IFT43: variants seen among roughly 807,000 people sequenced by gnomAD.
The protein encoded by IFT43 is intraflagellar transport 43.
Under a neutral mutation model 32.3 loss-of-function variants are expected in IFT43, and 33 were observed. The ratio of observed to expected loss-of-function variants is 1.02; its 90% CI spans 0.77 to 1.37. The LOEUF (loss-of-function observed/expected upper bound fraction) is 1.37, where lower values mean the gene tolerates loss of function less well. Among genes scored for constraint, IFT43 ranks in the 40% most tolerant of loss-of-function variants. The probability of loss-of-function intolerance (pLI) is 0.00; values close to 1 mark genes in which losing one functional copy is unlikely to be tolerated. For missense variants in IFT43, 274 were observed against 265.9 expected, an observed-to-expected ratio of 1.03 and a Z score of -0.21; for synonymous variants, 93 against 98.2, an observed-to-expected ratio of 0.95 and a Z score of 0.31.
At chr14:76,073,902 A>G (rs1448684544) in intron 5 of IFT43, among the ~76,000 whole-genome samples, 1 of 152,102 alleles carries the variant, frequency 6.6e-6, no homozygotes, top group Non-Finnish European at 1.5e-5. Context: ...GAGCAGCAGT[A>G]AGACTCCTCA....
At chr14:76,031,854 C>G (rs1381241468) in intron 3 of IFT43, among the ~76,000 whole-genome samples, 4 of 152,184 alleles carry the variant, frequency 2.6e-5, no homozygotes, top group Non-Finnish European at 5.9e-5. Flanking sequence ...AACCTTCTCT[C>G]TTCTCTGTCA....
chr14:76,045,092 A>G (rs551924674), intron 3 of IFT43, among the ~76,000 whole-genome samples: 22 of 152,352 alleles, frequency 1.4e-4, no homozygotes, highest in Non-Finnish European at 2.2e-4. Context: ...TTCAAGGGTC[A>G]TCTGTATTTA....
chr14:75,986,809 C>CT (rs1325172539), intron 1 of IFT43, among the ~76,000 whole-genome samples: 4 of 152,136 alleles, frequency 2.6e-5, no homozygotes, highest in East Asian at 1.9e-4. Context: ...TGTGAAATCT[C>CT]TAAGTGTTTT....
At chr14:76,064,638 A>G (rs1400120762) in intron 5 of IFT43, among the ~76,000 whole-genome samples, 2 of 152,100 alleles carry the variant, frequency 1.3e-5, no homozygotes, top group African/African-American at 4.8e-5. Context: ...AGGGCAAGTT[A>G]TTTCCTGCAG....
chr14:76,029,851 T>TTTTTTTTTTATTTTA (rs2036472787), intron 3 of IFT43, among the ~76,000 whole-genome samples: 2 of 117,474 alleles, frequency 1.7e-5, no homozygotes, highest in Middle Eastern at 4.0e-3. Context: ...TTTATTTTTA[T>TTTTTTTTTTATTTTA]TTTTATTTTA....
intron 2 of IFT43, among the ~76,000 whole-genome samples, chr14:76,005,653 C>T (rs545588831): frequency 4.6e-5 from 7 of 152,230 alleles, no homozygotes; most frequent in Non-Finnish European, 1.0e-4. Context: ...CAGCCCTGAG[C>T]TTTGTTCTTA....
chr14:75,985,855 G>A lies in IFT43; in HGVS notation c.54+15G>A, dbSNP rs372505367. 8.1e-6 allele frequency: 13 copies of A among 1,613,424 alleles called. No individual in the cohort carries two copies. Among genetic ancestry groups the A allele is most frequent in the Non-Finnish European group, 1.1e-5 (13 of 1,179,748 alleles). ...TGGCTACCTCCGTGAGGACCAATTC[G>A]GGGGCCTTGGGGGCCAGGATTTGGC... On this transcript the variant is annotated intron_variant, in intron 1 of 8. Transcript: ENST00000314067.
At chr14:75,996,362 A>G (rs1393408117) in intron 2 of IFT43, among the ~76,000 whole-genome samples, 1 of 152,236 alleles carries the variant, frequency 6.6e-6, no homozygotes, top group Non-Finnish European at 1.5e-5. Context: ...TGATAGTAGT[A>G]TCTATCTCAT....
intron 2 of IFT43, among the ~76,000 whole-genome samples, chr14:76,003,299 T>C (rs1367586033): frequency 6.6e-6 from 1 of 152,104 alleles, no homozygotes; most frequent in Non-Finnish European, 1.5e-5. Flanking sequence ...ATTTAAAATA[T>C]GCATCCTTAT....
chr14:76,026,115 T>TA (rs1251911360), intron 3 of IFT43, among the ~76,000 whole-genome samples: 1 of 151,880 alleles, frequency 6.6e-6, no homozygotes, highest in Non-Finnish European at 1.5e-5. Context: ...AAAATCCCAC[T>TA]AAAAAATGGG....
At chr14:76,011,980 C>T (rs1487826218) in intron 2 of IFT43, among the ~76,000 whole-genome samples, 3 of 152,128 alleles carry the variant, frequency 2.0e-5, no homozygotes, top group Non-Finnish European at 4.4e-5. Flanking sequence ...TCTAAGATTG[C>T]TGGAGAAAGA....
intron 5 of IFT43, among the ~76,000 whole-genome samples, chr14:76,076,943 T>C (rs1233258858): frequency 6.6e-6 from 1 of 152,052 alleles, no homozygotes; most frequent in Non-Finnish European, 1.5e-5. Flanking sequence ...TGCTGAACGA[T>C]TTTTTGGGTA....
At chr14:76,010,090 G>A (rs1199889810) in intron 2 of IFT43, among the ~76,000 whole-genome samples, 1 of 152,092 alleles carries the variant, frequency 6.6e-6, no homozygotes, top group Non-Finnish European at 1.5e-5. Flanking sequence ...CACCCTGCCC[G>A]GCCTCTAGTG....
intron 3 of IFT43, among the ~76,000 whole-genome samples, chr14:76,056,458 A>G (rs947436057): frequency 1.3e-5 from 2 of 152,238 alleles, no homozygotes; most frequent in Admixed American, 6.5e-5. Flanking sequence ...ATAAATGGCA[A>G]TTAATCAGCC....
rs1279332154 is a variant in IFT43 at position 75,985,792 on chromosome 14, G to A, written c.6G>A (p.Glu2=). The A allele has an allele frequency of 6.2e-7, 1 of 1,614,092 alleles. No homozygotes were observed. The highest frequency in any genetic ancestry group is 8.5e-7 in the Non-Finnish European group (1 of 1,180,050). Residue 2 remains glutamate, a synonymous_variant, in exon 1 of 9, where the codon GAG becomes GAA. Coordinates refer to ENST00000314067, the MANE Select transcript of IFT43 (RefSeq NM_001102564.3). ...GACGTCAGGCGGCCGCGGAGATGGAGGATTTGCTCGACTTGGACGAGGAGC... is the reference window on the plus strand; with the variant it reads ...GACGTCAGGCGGCCGCGGAGATGGAAGATTTGCTCGACTTGGACGAGGAGC... M[E]DLLDLDEELR...
chr14:76,048,086 C>T (rs756209312), intron 3 of IFT43, among the ~76,000 whole-genome samples: 10 of 152,164 alleles, frequency 6.6e-5, no homozygotes, highest in Non-Finnish European at 1.3e-4. Context: ...GGTCGTACAG[C>T]TAATTAGTAT....
chr14:76,020,397 T>C (rs11844998), intron 2 of IFT43, among the ~76,000 whole-genome samples: 3,898 of 152,332 alleles, frequency 0.026, 105 homozygotes, highest in African/African-American at 0.067. Context: ...TGGAGAATTA[T>C]TGTGTTCCTT....
chr14:76,051,163 G>C (rs2036907384), intron 3 of IFT43, among the ~76,000 whole-genome samples: 1 of 149,594 alleles, frequency 6.7e-6, no homozygotes, highest in South Asian at 2.2e-4. Flanking sequence ...GCCAAAATTT[G>C]GGTGTTAGGG....
intron 3 of IFT43, among the ~76,000 whole-genome samples, chr14:76,047,258 A>C (rs186492955): frequency 1.3e-5 from 2 of 152,310 alleles, no homozygotes; most frequent in East Asian, 3.9e-4. Context: ...GGGGCCTGAG[A>C]TTAGAGCTCA....
Sources: allele counts gnomAD v4.1 joint callset (sites outside exome capture counted in the v4.1 genomes callset), GRCh38; gene constraint gnomAD v4.1.1; transcripts MANE v1.5; gene names NCBI Gene and HGNC (gene_info 2026-07-23, HGNC 2026-07-21).